DSCAM: variants seen among roughly 807,000 people sequenced by gnomAD.
The protein encoded by DSCAM is cell adhesion molecule DSCAM.
In DSCAM, 47 loss-of-function variants were observed where a neutral mutation model predicts 217.7. The observed-to-expected ratio is 0.22, with a 90% CI of 0.17 to 0.28. The LOEUF is 0.28. Ranked by LOEUF, DSCAM falls within the 10% of genes least tolerant of loss-of-function variation. The probability of loss-of-function intolerance (pLI) is 1.00; values close to 1 mark genes in which losing one functional copy is unlikely to be tolerated. For synonymous variants in DSCAM, 1,056 were observed against 1,015.3 expected (o/e 1.04, Z -0.76); for missense variants, 2,080 against 2,618.3 (o/e 0.79, Z 4.49).
intron 32 of DSCAM, among the ~76,000 whole-genome samples, chr21:40,021,076 A>C (rs2088258481): frequency 6.6e-6 from 1 of 151,446 alleles, no homozygotes; most frequent in Non-Finnish European, 1.5e-5. Context: ...GTGAGGGAGG[A>C]TGGATGAGAG....
intron 3 of DSCAM, among the ~76,000 whole-genome samples, chr21:40,433,911 T>C (rs938335839): frequency 6.6e-6 from 1 of 152,186 alleles, no homozygotes; most frequent in Non-Finnish European, 1.5e-5. Context: ...TCACCTGAAG[T>C]GGACGATGTC....
At chr21:40,708,822 C>T (rs766517850) in intron 1 of DSCAM, 51 bp from the exon 2 acceptor site, 1 of 1,298,598 alleles carries the variant, frequency 7.7e-7, no homozygotes, top group South Asian at 2.2e-5. Context: ...ATGCCTTTGA[C>T]ATTTGCAGTT....
chr21:40,141,573 G>C (rs758331110), intron 18 of DSCAM, among the ~76,000 whole-genome samples: 1 of 152,128 alleles, frequency 6.6e-6, no homozygotes, highest in African/African-American at 2.4e-5. Context: ...AGCTGAGATC[G>C]TGCCACTGCA....
chr21:40,442,125 C>T (rs936196246), intron 3 of DSCAM, among the ~76,000 whole-genome samples: 6 of 152,044 alleles, frequency 3.9e-5, no homozygotes, highest in African/African-American at 1.2e-4. Context: ...ATGAGTTTCC[C>T]TAAAAATGTT....
chr21:40,338,023 C>T (rs2074446110), intron 8 of DSCAM, 78 bp downstream of exon 8: 2 of 1,551,032 alleles, frequency 1.3e-6, no homozygotes, highest in Non-Finnish European at 1.8e-6. Flanking sequence ...TCTTGGATTA[C>T]CCGACTTCAA....
intron 1 of DSCAM, among the ~76,000 whole-genome samples, chr21:40,710,030 T>C (rs1193852361): frequency 6.6e-6 from 1 of 152,210 alleles, no homozygotes; most frequent in East Asian, 1.9e-4. Flanking sequence ...ATGGTCACCA[T>C]TCTAACTGGC....
At chr21:40,622,064 C>G (rs1315092122) in intron 3 of DSCAM, among the ~76,000 whole-genome samples, 1 of 152,040 alleles carries the variant, frequency 6.6e-6, no homozygotes, top group Non-Finnish European at 1.5e-5. Flanking sequence ...GACAAAATTT[C>G]TAGAAAAGAC....
intron 3 of DSCAM, among the ~76,000 whole-genome samples, chr21:40,681,489 C>CATT (rs2090400200): frequency 6.9e-6 from 1 of 145,806 alleles, no homozygotes; most frequent in Admixed American, 6.7e-5. Context: ...CTTAAAAATG[C>CATT]TTTTTTTTTT....
intron 4 of DSCAM, 35 bp from the exon 5 acceptor site, chr21:40,353,778 T>C: frequency 6.8e-7 from 1 of 1,479,490 alleles, no homozygotes; most frequent in Non-Finnish European, 8.9e-7. Flanking sequence ...GAGGCAGGAA[T>C]GAGGAGTTGA....
At chr21:40,067,024 T>A (rs1269871167) in intron 27 of DSCAM, among the ~76,000 whole-genome samples, 1 of 152,186 alleles carries the variant, frequency 6.6e-6, no homozygotes, top group African/African-American at 2.4e-5. Flanking sequence ...TATAATTAAG[T>A]CAAAAATGCA....
intron 3 of DSCAM, among the ~76,000 whole-genome samples, chr21:40,421,227 C>T (rs2075420935): frequency 6.6e-6 from 1 of 152,210 alleles, no homozygotes; most frequent in South Asian, 2.1e-4. Flanking sequence ...CTGCATCCTT[C>T]ACTCCACCAT....
intron 3 of DSCAM, among the ~76,000 whole-genome samples, chr21:40,633,710 A>G (rs1161786166): frequency 2.0e-5 from 3 of 152,222 alleles, no homozygotes; most frequent in Non-Finnish European, 4.4e-5. Context: ...GGCCTCCGTC[A>G]GGACTGTAGG....
At chr21:40,235,650 G>A (rs1414108830) in intron 11 of DSCAM, among the ~76,000 whole-genome samples, 1 of 151,946 alleles carries the variant, frequency 6.6e-6, no homozygotes, top group Admixed American at 6.6e-5. Flanking sequence ...CACCCCTTAG[G>A]ATCACCTGAT....
chr21:40,071,212 G>A (rs1282491893), intron 27 of DSCAM, among the ~76,000 whole-genome samples: 4 of 152,150 alleles, frequency 2.6e-5, no homozygotes, highest in Non-Finnish European at 5.9e-5. Context: ...GGATCTAGAA[G>A]TTCAAGAAAA....
At chr21:40,485,062 T>C (rs552226779) in intron 3 of DSCAM, among the ~76,000 whole-genome samples, 158 of 152,120 alleles carry the variant, frequency 1.0e-3, no homozygotes, top group African/African-American at 3.1e-3. Context: ...TACAGAGGAA[T>C]TGAAGAACTA....
intron 27 of DSCAM, among the ~76,000 whole-genome samples, chr21:40,067,724 ATT>A (rs2089229449): frequency 4.2e-5 from 2 of 47,312 alleles, no homozygotes; most frequent in South Asian, 1.3e-3. Flanking sequence ...CCCTCCCCTC[ATT>A]CCCTCCCTCC....
At chr21:40,264,122 A>T (rs1209947123) in intron 11 of DSCAM, among the ~76,000 whole-genome samples, 1 of 152,186 alleles carries the variant, frequency 6.6e-6, no homozygotes, top group African/African-American at 2.4e-5. Context: ...TCTACCAGAC[A>T]TTCAAAAAAG....
chr21:40,241,466 T>C (rs1489769021), intron 11 of DSCAM, among the ~76,000 whole-genome samples: 1 of 152,122 alleles, frequency 6.6e-6, no homozygotes, highest in Admixed American at 6.5e-5. Context: ...AGAATAGCTA[T>C]TATTAAAAAG....
intron 1 of DSCAM, among the ~76,000 whole-genome samples, chr21:40,726,462 A>T (rs1601178001): frequency 6.6e-6 from 1 of 152,298 alleles, no homozygotes; most frequent in African/African-American, 2.4e-5. Context: ...AGGTAAATCC[A>T]TATCTAAACT....
Sources: gnomAD v4.1 joint callset for allele counts (sites outside exome capture counted in the v4.1 genomes callset) on GRCh38, gnomAD v4.1.1 for gene constraint, MANE v1.5 for transcripts, NCBI Gene and HGNC (gene_info 2026-07-23, HGNC 2026-07-21) for gene names.